The following TNIP1 variants were observed in gnomAD, a reference collection of about 807,000 sequenced individuals.
TNIP1 encodes TNFAIP3 interacting protein 1.
Under a neutral mutation model 86.6 loss-of-function variants are expected in TNIP1, and 22 were observed. That is an observed-to-expected ratio of 0.25 (90% confidence interval 0.18 to 0.36). The LOEUF is 0.36. Among genes scored for constraint, TNIP1 ranks in the 10% least tolerant of loss-of-function variants. The pLI is 1.00. For missense variants in TNIP1, 709 were observed against 820.6 expected, an observed-to-expected ratio of 0.86 and a Z score of 1.66; for synonymous variants, 294 against 313.0, an observed-to-expected ratio of 0.94 and a Z score of 0.64.
At chr5:151,042,747 C>T in intron 10 of TNIP1, 76 bp from the exon 11 acceptor site, 40 of 1,600,856 alleles carry the variant, frequency 2.5e-5, no homozygotes, top group Non-Finnish European at 3.2e-5. Context: ...GGCCTGGCTG[C>T]CCCTGGGCCC....
rs1238772178 is a variant in TNIP1, at chr5:151,065,089, C to T, written c.7G>A (p.Gly3Arg). The change falls in exon 2 of 18, where the codon GGG becomes AGG. Residue 3 changes from glycine (G) to arginine (R), a missense_variant. Transcript: ENST00000521591. Reference protein sequence around the residue: MEGRGPYRIYDPG... With the variant: MERRGPYRIYDPG... ...TCGTAGATCCGGTACGGTCCTCTCC[C>T]TTCCATGAGGGTAGCTCAGCCCCTG... The T allele has an allele frequency of 3.1e-6, 5 of 1,613,382 alleles. No homozygotes were observed. The African/African-American group carries it at 6.7e-5, about 22-fold the overall frequency.
At chr5:151,052,698 C>T (rs1043381193) in intron 6 of TNIP1, among the ~76,000 whole-genome samples, 1 of 152,232 alleles carries the variant, frequency 6.6e-6, no homozygotes, top group African/African-American at 2.4e-5. Context: ...CACAGCCCCC[C>T]GCTTTTACGC....
intron 6 of TNIP1, 151 bp from the exon 7 acceptor site, chr5:151,052,410 C>T: frequency 1.5e-6 from 1 of 654,956 alleles, no homozygotes; most frequent in Non-Finnish European, 2.6e-6. Flanking sequence ...CTCTAAGGAG[C>T]TAAGCCACTT....
chr5:151,086,467 C>T (rs996828972), intron 1 of TNIP1, among the ~76,000 whole-genome samples: 3 of 152,164 alleles, frequency 2.0e-5, no homozygotes, highest in Non-Finnish European at 4.4e-5. Flanking sequence ...GGGTCTCAGC[C>T]TCCACTATGT....
At chr5:151,081,347 C>T (rs906095266), upstream of TNIP1, among the ~76,000 whole-genome samples, 4 of 151,968 alleles carry the variant, frequency 2.6e-5, no homozygotes, top group African/African-American at 4.8e-5. Flanking sequence ...AGAGCGGAGG[C>T]GAGCCACAGA....
chr5:151,060,393 G>A lies in TNIP1; in HGVS notation c.360C>T (p.Gly120=). ...PAPVQKPPSS[G]TSSEFEVVTP... ...TGACCACTTCAAATTCAGAGGAGGT[G>A]CCCTGTGCAGAAAGGAAGTTAGGTG... Residue 120 remains glycine, a splice_region_variant and synonymous_variant, in exon 5 of 18, where the codon GGC becomes GGT. Coordinates refer to ENST00000521591, the MANE Select transcript of TNIP1 (RefSeq NM_006058.5). The A allele has an allele frequency of 6.2e-7, 1 of 1,614,174 alleles. No individual in the cohort carries two copies. The highest frequency in any genetic ancestry group is 8.5e-7 in the Non-Finnish European group (1 of 1,180,026).
At chr5:151,035,539 C>A (rs773038343) in intron 14 of TNIP1, 43 bp downstream of exon 14, 2 of 1,613,700 alleles carry the variant, frequency 1.2e-6, no homozygotes, top group East Asian at 2.2e-5. Flanking sequence ...CCTCTCCCCA[C>A]GAGGACAGGC....
chr5:151,049,703 A>G, intron 8 of TNIP1, 121 bp downstream of exon 8: 1 of 1,239,648 alleles, frequency 8.1e-7, no homozygotes, highest in Non-Finnish European at 1.1e-6. Context: ...CGTAACAGCT[A>G]GAACCTTCTA....
intron 2 of TNIP1, among the ~76,000 whole-genome samples, chr5:151,064,414 G>A (rs1020849007): frequency 3.3e-5 from 5 of 152,228 alleles, no homozygotes; most frequent in Non-Finnish European, 7.3e-5. Flanking sequence ...TTGTCTGGAG[G>A]AGAAGGGGGC....
chr5:151,042,697 T>G, intron 10 of TNIP1, 26 bp from the exon 11 acceptor site: 3 of 1,613,362 alleles, frequency 1.9e-6, no homozygotes, highest in Non-Finnish European at 2.5e-6. Flanking sequence ...GAGAGGAGTG[T>G]GTGAGGCAAG....
chr5:151,060,340 C>T lies in TNIP1; in HGVS notation c.413G>A (p.Ser138Asn), dbSNP rs1029527167. The T allele has an allele frequency of 2.5e-6, 4 of 1,614,062 alleles. No homozygotes were observed. Among genetic ancestry groups the T allele is most frequent in the Non-Finnish European group, 3.4e-6 (4 of 1,180,034 alleles). Residue 138 changes from serine (S) to asparagine (N), a missense_variant, in exon 5 of 18, where the codon AGC (serine) becomes AAC (asparagine). Coordinates refer to ENST00000521591, the MANE Select transcript of TNIP1 (RefSeq NM_006058.5). Reference sequence around the variant, plus strand: ...CACCATCGCATTGGCATGGCTGCTGCTCTCTGGTGAATTCTGCTCCTCAGG... The same window carrying T: ...CACCATCGCATTGGCATGGCTGCTGTTCTCTGGTGAATTCTGCTCCTCAGG... The part of the protein sequence containing the change: ...VTPEEQNSPE[S>N]SSHANAMALG...
chr5:151,071,965 G>A (rs1252402212), intron 1 of TNIP1, among the ~76,000 whole-genome samples: 8 of 152,302 alleles, frequency 5.3e-5, no homozygotes, highest in South Asian at 2.1e-4. Context: ...GTGCTGGGCC[G>A]CATCATGACG....
At chr5:151,063,921 A>G (rs1309629435) in intron 2 of TNIP1, among the ~76,000 whole-genome samples, 174 bp from the exon 3 acceptor site, 1 of 152,206 alleles carries the variant, frequency 6.6e-6, no homozygotes, top group Non-Finnish European at 1.5e-5. Flanking sequence ...CTGGTCCACC[A>G]TAAGAAACAG....
chr5:151,066,750 G>A (rs113472339), intron 1 of TNIP1, among the ~76,000 whole-genome samples: 65 of 152,274 alleles, frequency 4.3e-4, no homozygotes, highest in African/African-American at 1.3e-3. Flanking sequence ...ACTCAGCCAC[G>A]ATGACCCGGC....
chr5:151,064,847 G>A, intron 2 of TNIP1, 113 bp downstream of exon 2: 1 of 1,479,666 alleles, frequency 6.8e-7, no homozygotes, highest in East Asian at 2.3e-5. Flanking sequence ...GAGGGACAGG[G>A]GATGACTTGG....
At chr5:151,035,122 G>A in intron 14 of TNIP1, 55 bp from the exon 15 acceptor site, 1 of 1,583,214 alleles carries the variant, frequency 6.3e-7, no homozygotes. Flanking sequence ...TTCTGGCCAG[G>A]CCTGGATCCA....
intron 9 of TNIP1, among the ~76,000 whole-genome samples, chr5:151,044,528 A>G (rs910775405): frequency 2.0e-5 from 3 of 152,150 alleles, no homozygotes; most frequent in African/African-American, 4.8e-5. Context: ...TGTAATGAGC[A>G]TTATATCACT....
At chr5:151,043,989 G>A (rs546258449) in intron 9 of TNIP1, among the ~76,000 whole-genome samples, 223 of 152,056 alleles carry the variant, frequency 1.5e-3, no homozygotes, top group African/African-American at 4.9e-3. Context: ...CAAAAACATT[G>A]CATATGATAA....
At chr5:151,074,557 T>G (rs1763169690) in intron 1 of TNIP1, among the ~76,000 whole-genome samples, 1 of 152,160 alleles carries the variant, frequency 6.6e-6, no homozygotes, top group African/African-American at 2.4e-5. Context: ...TCTGTAAACC[T>G]TAAAATGCTA....
Sources: gnomAD v4.1 joint callset for allele counts (sites outside exome capture counted in the v4.1 genomes callset) on GRCh38, gnomAD v4.1.1 for gene constraint, MANE v1.5 for transcripts, NCBI Gene and HGNC (gene_info 2026-07-23, HGNC 2026-07-21) for gene names.